Variants in ZFHX4 observed in about 807,000 individuals in gnomAD.
The protein encoded by ZFHX4 is zinc finger homeobox 4.
A neutral mutation model predicts 267.6 loss-of-function variants in ZFHX4; 56 were observed. The observed-to-expected ratio is 0.21, with a 90% confidence interval of 0.17 to 0.26. The LOEUF is 0.26. Among genes scored for constraint, ZFHX4 ranks in the 10% least tolerant of loss-of-function variants. The probability of loss-of-function intolerance (pLI) is 1.00; values close to 1 mark genes in which losing one functional copy is unlikely to be tolerated. For synonymous variants in ZFHX4, 1,778 were observed against 1,665.6 expected (o/e 1.07, Z -1.64); for missense variants, 4,332 against 4,420.0 (o/e 0.98, Z 0.56).
At position 76,769,307 on chromosome 8, in the gene ZFHX4, T is replaced by C. The variant is rs6980702; in HGVS notation, c.3094-8901T>C. On this transcript the variant is annotated intron_variant, in intron 3 of 10. Coordinates refer to ENST00000651372, the MANE Select transcript of ZFHX4 (RefSeq NM_024721.5). ...TATTTTTTTCTATTACTTTAGAATTTGATAAGTTTTAAATTGTTTTCTCTT... is the reference window on the plus strand; with the variant it reads ...TATTTTTTTCTATTACTTTAGAATTCGATAAGTTTTAAATTGTTTTCTCTT... 7.0e-3 allele frequency among the ~76,000 whole-genome samples: 1,062 copies of C among 152,200 alleles called. 15 individuals are homozygous for C. The highest frequency in any genetic ancestry group is 0.024 in the African/African-American group (1,003 of 41,548).
In ZFHX4 at chr8:76,705,855, C is replaced by G. The variant is rs754925732; in HGVS notation, c.1767C>G (p.His589Gln). Residue 589 changes from histidine to glutamine, a missense_variant, in exon 2 of 11, where the codon CAC becomes CAG. His to Gln is a conservative substitution (Grantham distance 24). This residue lies in a region of ZFHX4 where 1,195 missense variants were observed against 1,173.6 expected (regional missense o/e 1.02). Transcript: ENST00000651372. ...RGDEDSSATP[H>Q]QHGFTPSTPG... Reference sequence around the variant, plus strand: ...ACGAAGACAGTTCAGCCACTCCTCACCAGCATGGCTTTACCCCGAGTACTC... The same window carrying G: ...ACGAAGACAGTTCAGCCACTCCTCAGCAGCATGGCTTTACCCCGAGTACTC... The G allele has an allele frequency of 6.2e-7, 1 of 1,613,874 alleles. No individual in the cohort carries two copies. Among genetic ancestry groups the G allele is most frequent in the Non-Finnish European group, 8.5e-7 (1 of 1,179,882 alleles).
intron 4 of ZFHX4, among the ~76,000 whole-genome samples, chr8:76,828,469 A>G (rs1187145263): frequency 1.3e-5 from 2 of 152,182 alleles, no homozygotes; most frequent in East Asian, 3.8e-4. Flanking sequence ...TCTTCCATAA[A>G]CACAGTGATT....
chr8:76,815,401 A>C (rs1460420280), intron 4 of ZFHX4, among the ~76,000 whole-genome samples: 7 of 152,214 alleles, frequency 4.6e-5, no homozygotes, highest in Non-Finnish European at 7.4e-5. Flanking sequence ...CCAGCCAATT[A>C]GATGTCTGGT....
chr8:76,708,147 A>G, intron 3 of ZFHX4, 99 bp downstream of exon 3: 2 of 1,460,220 alleles, frequency 1.4e-6, no homozygotes, highest in Non-Finnish European at 1.9e-6. Flanking sequence ...AAAAAAAAAG[A>G]GAAAAAACAT....
At position 76,853,920 on chromosome 8, in the gene ZFHX4, G is replaced by T. The variant is rs1288561734; in HGVS notation, c.6999G>T (p.Lys2333Asn). 6.2e-7 allele frequency: 1 copy of T among 1,613,904 alleles called. No homozygotes were observed. The highest frequency in any genetic ancestry group is 2.2e-5 in the East Asian group (1 of 44,856). ...RIFDLITHQKKQCYKDEDDDA... is the reference protein window; with the variant it reads ...RIFDLITHQKNQCYKDEDDDA... ...TTGACTTGATTACGCATCAGAAAAA[G>T]CAGTGTTACAAGGATGAAGATGATG... The change falls in exon 10 of 11, where the codon AAG (lysine) becomes AAT (asparagine). Residue 2333 changes from lysine to asparagine, a missense_variant. Lys to Asn is a moderately conservative substitution (Grantham distance 94, BLOSUM62 0). This residue lies in a region of ZFHX4 where 1,648 missense variants were observed against 1,625.0 expected (regional missense o/e 1.01). Coordinates refer to ENST00000651372, the MANE Select transcript of ZFHX4 (RefSeq NM_024721.5).
chr8:76,708,112 T>G, intron 3 of ZFHX4, 64 bp downstream of exon 3: 10 of 1,597,244 alleles, frequency 6.3e-6, no homozygotes, highest in Non-Finnish European at 8.5e-6. Flanking sequence ...TTTCAGAGCT[T>G]GGAGCACAAG....
intron 3 of ZFHX4, among the ~76,000 whole-genome samples, chr8:76,722,132 A>G (rs1289358598): frequency 5.9e-5 from 9 of 152,078 alleles, no homozygotes; most frequent in African/African-American, 2.2e-4. Flanking sequence ...GCTGATTGAC[A>G]TGGGTATGAT....
At chr8:76,753,991 G>C (rs1216285906) in intron 3 of ZFHX4, among the ~76,000 whole-genome samples, 2 of 152,100 alleles carry the variant, frequency 1.3e-5, no homozygotes, top group African/African-American at 4.8e-5. Context: ...GAATCATACT[G>C]ACAGGGTTTT....
intron 4 of ZFHX4, among the ~76,000 whole-genome samples, chr8:76,782,935 T>G (rs1810589679): frequency 6.6e-6 from 1 of 152,036 alleles, no homozygotes; most frequent in South Asian, 2.1e-4. Context: ...AAGTGCAAGT[T>G]ATTCTTCTCT....
rs772214396 is a variant in ZFHX4 at position 76,864,344 on chromosome 8, TCTC to T, written c.10636_10638del (p.Pro3546del). ...CAGGAGAGCTGCTTCTCCCCCTTCT[TCTC>T]CTCCTTCCCTTTCCTTGCCTTCAAC... On this transcript the variant is annotated inframe_deletion, in exon 11 of 11. Coordinates refer to ENST00000651372, the MANE Select transcript of ZFHX4 (RefSeq NM_024721.5). 2.6e-5 allele frequency: 42 copies of T among 1,613,686 alleles called. No homozygotes were observed. The highest frequency in any genetic ancestry group is 4.0e-5 in the African/African-American group (3 of 74,892).
chr8:76,764,869 T>C lies in ZFHX4; in HGVS notation c.3094-13339T>C, dbSNP rs111606671. On this transcript the variant is annotated intron_variant, in intron 3 of 10. Transcript: ENST00000651372. ...AGCAGTGCCTCCCTATTGTTCCAAC[T>C]TTCTGGGATTCTTCACAGTAGGTTC... Among the ~76,000 whole-genome samples, 273 of 152,340 alleles carry C rather than the reference T, an allele frequency of 1.8e-3. 1 individual carries two copies. Among genetic ancestry groups the C allele is most frequent in the African/African-American group, 6.3e-3 (263 of 41,590 alleles).
At chr8:76,785,976 C>T (rs1161014377) in intron 4 of ZFHX4, among the ~76,000 whole-genome samples, 3 of 152,056 alleles carry the variant, frequency 2.0e-5, no homozygotes, top group South Asian at 4.1e-4. Context: ...ATATTTGTTT[C>T]CCCTTGATTT....
At chr8:76,749,287 G>C (rs374943444) in intron 3 of ZFHX4, among the ~76,000 whole-genome samples, 2 of 152,160 alleles carry the variant, frequency 1.3e-5, no homozygotes, top group Non-Finnish European at 2.9e-5. Flanking sequence ...TGTCCCAGCT[G>C]TCTGACAATA....
At chr8:76,825,426 C>T (rs560954556) in intron 4 of ZFHX4, among the ~76,000 whole-genome samples, 130 of 152,316 alleles carry the variant, frequency 8.5e-4, no homozygotes, top group Middle Eastern at 3.4e-3. Flanking sequence ...AACTCCATGG[C>T]GTTTCTTCCT....
intron 3 of ZFHX4, among the ~76,000 whole-genome samples, chr8:76,718,467 G>T (rs553878412): frequency 6.6e-6 from 1 of 152,110 alleles, no homozygotes; most frequent in Admixed American, 6.5e-5. Flanking sequence ...TAAAAAACCC[G>T]CACATTTGGA....
intron 4 of ZFHX4, among the ~76,000 whole-genome samples, chr8:76,807,901 T>G (rs897954249): frequency 9.2e-5 from 14 of 152,154 alleles, no homozygotes; most frequent in Non-Finnish European, 1.9e-4. Flanking sequence ...TACTATATAA[T>G]AGTTTAATTT....
In ZFHX4 at chr8:76,855,105, C is replaced by T. The variant is rs1291552625; in HGVS notation, c.8184C>T (p.Ile2728=). 8.1e-6 allele frequency: 13 copies of T among 1,613,648 alleles called. No homozygotes were observed. Among genetic ancestry groups the T allele is most frequent in the Admixed American group, 1.7e-5 (1 of 59,982 alleles). The change falls in exon 10 of 11, where the codon ATC becomes ATT. Residue 2728 remains isoleucine (I), a synonymous_variant. Coordinates refer to ENST00000651372, the MANE Select transcript of ZFHX4 (RefSeq NM_024721.5). The part of the protein sequence containing the change: ...EDGGESPQKY[I]YFDYPSLPLT... ...GGGGAGAAAGCCCACAGAAATACAT[C>T]TATTTTGATTACCCATCTTTGCCAT...
In ZFHX4 at chr8:76,841,748, T is replaced by A. The variant is rs76752188; in HGVS notation, c.3395-907T>A. On this transcript the variant is annotated intron_variant, in intron 5 of 10. Transcript: ENST00000651372. ...ATGATTTTTATTTTTTGTGCTGCAA[T>A]GAAAACAGCATGCCATGCTGTGGGG... 2.6e-4 allele frequency among the ~76,000 whole-genome samples: 39 copies of A among 152,314 alleles called. No individual in the cohort carries two copies. The East Asian group carries it at 7.5e-3, about 29-fold the overall frequency.
chr8:76,728,123 T>C (rs1177506424), intron 3 of ZFHX4, among the ~76,000 whole-genome samples: 2 of 152,224 alleles, frequency 1.3e-5, no homozygotes, highest in Non-Finnish European at 2.9e-5. Context: ...GAAAGATGTG[T>C]AGTCCAAGTT....
Sources: gnomAD v4.1 joint callset for allele counts (sites outside exome capture counted in the v4.1 genomes callset) on GRCh38, gnomAD v4.1.1 for gene constraint, gnomAD v4.1.1 regional missense constraint, MANE v1.5 for transcripts, NCBI Gene and HGNC (gene_info 2026-07-23, HGNC 2026-07-21) for gene names.